The following SDK2 variants were observed in gnomAD, a reference collection of about 807,000 sequenced individuals.
SDK2 encodes the protein sidekick cell adhesion molecule 2.
SDK2 carries 105 observed loss-of-function variants against 253.9 expected under a neutral mutation model. That is an observed-to-expected ratio of 0.41 (90% CI 0.35 to 0.49). The LOEUF (loss-of-function observed/expected upper bound fraction) is 0.49, where lower values mean the gene tolerates loss of function less well. Among genes scored for constraint, SDK2 ranks in the 20% least tolerant of loss-of-function variants. SDK2 has a pLI of 0.06. For synonymous variants in SDK2, 1,249 were observed against 1,234.9 expected (o/e 1.01, Z -0.24); for missense variants, 2,608 against 3,003.0 (o/e 0.87, Z 3.07).
At chr17:73,504,126 T>C (rs2063911769) in intron 2 of SDK2, among the ~76,000 whole-genome samples, 1 of 151,650 alleles carries the variant, frequency 6.6e-6, no homozygotes, top group Admixed American at 6.6e-5. Flanking sequence ...AAAAAAGGTG[T>C]CAGGGGATAT....
At chr17:73,632,682 C>T (rs939547547) in intron 1 of SDK2, among the ~76,000 whole-genome samples, 1 of 152,156 alleles carries the variant, frequency 6.6e-6, no homozygotes, top group Non-Finnish European at 1.5e-5. Context: ...TCTAGAGAAC[C>T]CTGACTAATA....
chr17:73,583,531 C>G (rs1312220702), intron 1 of SDK2, among the ~76,000 whole-genome samples: 2 of 152,182 alleles, frequency 1.3e-5, no homozygotes, highest in African/African-American at 2.4e-5. Context: ...CGCCTCTCAC[C>G]CACTGAGCCA....
chr17:73,507,479 G>C lies in SDK2; in HGVS notation c.183C>G (p.Leu61=), dbSNP rs984734460. Residue 61 remains leucine, a synonymous_variant, in exon 2 of 45, where the codon CTC becomes CTG. Transcript: ENST00000392650. ...ACTTGGTCAGCTCCCTGTTGTTGTG[G>C]AGCCACTTGAACTCCAGTGGCCAGC... is the stretch of plus-strand genomic sequence containing the variant. ...EGSWPLEFKW[L]HNNRELTKFS... 1 of 1,551,612 alleles carries C rather than the reference G, an allele frequency of 6.4e-7. No homozygotes were observed. Among genetic ancestry groups the C allele is most frequent in the Non-Finnish European group, 8.7e-7 (1 of 1,146,950 alleles).
At position 73,639,354 on chromosome 17, in the gene SDK2, G is replaced by A. The variant is rs4789234; in HGVS notation, c.64+4671C>T. Among the ~76,000 whole-genome samples the A allele has an allele frequency of 0.23, 34,981 of 152,012 alleles. 4,301 individuals are homozygous for A. Among genetic ancestry groups the A allele is most frequent in the South Asian group, 0.28 (1,342 of 4,814 alleles). ...TGCAGTCCCCTCTCTCCCTTCCCCC[G>A]GGGATGCTGAGCATCCCTGCTCAAC... On this transcript the variant is annotated intron_variant, in intron 1 of 44. Transcript: ENST00000392650. The surrounding 1 kb of genome is among the most constrained non-coding windows in gnomAD (Gnocchi z 4.3).
At chr17:73,366,032 G>A (rs2062682038) in intron 37 of SDK2, among the ~76,000 whole-genome samples, 1 of 152,190 alleles carries the variant, frequency 6.6e-6, no homozygotes, top group East Asian at 1.9e-4. Flanking sequence ...GGAGGACAGA[G>A]GAAGGGCAGG....
At chr17:73,521,735 C>T (rs12945654) in intron 1 of SDK2, among the ~76,000 whole-genome samples, 1 of 152,052 alleles carries the variant, frequency 6.6e-6, no homozygotes, top group African/African-American at 2.4e-5. Flanking sequence ...AGCCCCAACT[C>T]CACATTTACA....
chr17:73,508,642 A>G (rs1240494274), intron 1 of SDK2, among the ~76,000 whole-genome samples: 1 of 152,172 alleles, frequency 6.6e-6, no homozygotes, highest in Non-Finnish European at 1.5e-5. Context: ...CAGCAACCTC[A>G]TGACTAGACA....
At chr17:73,434,620 G>C (rs1330733060) in intron 9 of SDK2, among the ~76,000 whole-genome samples, 1 of 152,190 alleles carries the variant, frequency 6.6e-6, no homozygotes, top group Non-Finnish European at 1.5e-5. Context: ...TTGAGCTTAT[G>C]GGCCACTCAC....
At chr17:73,419,486 T>C (rs2145579213) in intron 15 of SDK2, among the ~76,000 whole-genome samples, 180 bp from the exon 16 acceptor site, 1 of 152,220 alleles carries the variant, frequency 6.6e-6, no homozygotes, top group Non-Finnish European at 1.5e-5. Flanking sequence ...ATAATAAAGC[T>C]CTACTTGCCT....
At chr17:73,575,687 G>C (rs1208972405) in intron 1 of SDK2, among the ~76,000 whole-genome samples, 1 of 152,220 alleles carries the variant, frequency 6.6e-6, no homozygotes, top group Non-Finnish European at 1.5e-5. Context: ...TGGCAAGTAA[G>C]ATATGATTGT....
At chr17:73,340,964 G>A (rs2062431540) in intron 44 of SDK2, among the ~76,000 whole-genome samples, 1 of 150,876 alleles carries the variant, frequency 6.6e-6, no homozygotes, top group Admixed American at 6.6e-5. Context: ...AGCTGGCCTC[G>A]AACTCCCAAC....
chr17:73,577,696 C>T (rs1045341928), intron 1 of SDK2, among the ~76,000 whole-genome samples: 1 of 152,188 alleles, frequency 6.6e-6, no homozygotes, highest in African/African-American at 2.4e-5. Context: ...AGCTTGGTGA[C>T]ACTAGGTAAA....
At chr17:73,578,716 A>G (rs1451211740) in intron 1 of SDK2, among the ~76,000 whole-genome samples, 1 of 152,148 alleles carries the variant, frequency 6.6e-6, no homozygotes, top group Non-Finnish European at 1.5e-5. Flanking sequence ...GGTTGGGCCA[A>G]CAGTGTGAGA....
At chr17:73,384,079 A>G (rs2062853511) in intron 32 of SDK2, 68 bp from the exon 33 acceptor site, 1 of 1,531,432 alleles carries the variant, frequency 6.5e-7, no homozygotes, top group Non-Finnish European at 8.9e-7. Context: ...ACGCTCTCTC[A>G]TCATGCCTCC....
chr17:73,552,706 C>A (rs1305986926), intron 1 of SDK2, among the ~76,000 whole-genome samples: 1 of 152,230 alleles, frequency 6.6e-6, no homozygotes, highest in African/African-American at 2.4e-5. Context: ...GCCAGGCTGA[C>A]TGCAGAGCTT....
chr17:73,412,150 A>G (rs1203073066), intron 18 of SDK2, among the ~76,000 whole-genome samples: 1 of 8,508 alleles, frequency 1.2e-4, no homozygotes, highest in African/African-American at 2.5e-4. Context: ...ATATGTATAT[A>G]TACGTATATA....
In SDK2 at chr17:73,526,813, G is replaced by A. The variant is rs1326007942; in HGVS notation, c.65-19216C>T. 2.6e-5 allele frequency among the ~76,000 whole-genome samples: 4 copies of A among 152,340 alleles called. No individual in the cohort carries two copies. The East Asian group carries it at 7.7e-4, about 29-fold the overall frequency. On this transcript the variant is annotated intron_variant, in intron 1 of 44. Transcript: ENST00000392650. Reference sequence around the variant, plus strand: ...AGAGGACAGTTACGTGCAGTGTGAGGAAAGATGAAGCTGAGGATGGTCCTG... The same window carrying A: ...AGAGGACAGTTACGTGCAGTGTGAGAAAAGATGAAGCTGAGGATGGTCCTG...
chr17:73,557,932 A>G (rs112120674), intron 1 of SDK2, among the ~76,000 whole-genome samples: 2,106 of 152,298 alleles, frequency 0.014, 49 homozygotes, highest in African/African-American at 0.048. Context: ...AGCCAGTGGC[A>G]TTGACCTGGA....
At chr17:73,359,512 A>G (rs920008559) in intron 39 of SDK2, among the ~76,000 whole-genome samples, 1 of 152,144 alleles carries the variant, frequency 6.6e-6, no homozygotes, top group Non-Finnish European at 1.5e-5. Flanking sequence ...CCTGCACAGG[A>G]CAGTACTCAG....
Sources: gnomAD v4.1 joint callset for allele counts (sites outside exome capture counted in the v4.1 genomes callset) on GRCh38, gnomAD v4.1.1 for gene constraint, Gnocchi (gnomAD v3.1) non-coding constraint, MANE v1.5 for transcripts, NCBI Gene and HGNC (gene_info 2026-07-23, HGNC 2026-07-21) for gene names.